The following MTA3 variants were observed in gnomAD, a reference collection of about 807,000 sequenced individuals.
The protein encoded by MTA3 is metastasis associated 1 family member 3, also known as metastasis-associated protein MTA3.
Under a neutral mutation model 83.5 loss-of-function variants are expected in MTA3, and 34 were observed. The ratio of observed to expected loss-of-function variants is 0.41; its 90% CI spans 0.31 to 0.54. The LOEUF is 0.54. Among genes scored for constraint, MTA3 ranks in the 20% least tolerant of loss-of-function variants. The pLI, the probability that MTA3 is intolerant of heterozygous loss-of-function variation, is 0.33. For synonymous variants in MTA3, 303 were observed against 252.7 expected, an observed-to-expected ratio of 1.20 and a Z score of -1.89; for missense variants, 761 against 726.4, an observed-to-expected ratio of 1.05 and a Z score of -0.55.
rs1202925575 is a variant in MTA3, at chr2:42,754,885, G to A, written c.*1486G>A. The A allele has an allele frequency of 5.1e-6, 5 of 985,454 alleles. No homozygotes were observed. The South Asian group carries it at 2.3e-4, about 46-fold the overall frequency. The allele number at this position is 985,454 out of a possible 1,614,324, so 61.0% of individuals were successfully genotyped here. On this transcript the variant is annotated 3_prime_UTR_variant, in exon 17 of 17. Coordinates refer to ENST00000405094, the MANE Select transcript of MTA3 (RefSeq NM_001330442.2). ...AGAGAGCGTGCTGTGTGAGGTGGAG[G>A]GCGGTTTTGCAGACATCTCAGCTTC...
intron 6 of MTA3, among the ~76,000 whole-genome samples, chr2:42,644,587 A>G (rs559798440): frequency 1.8e-4 from 28 of 152,236 alleles, no homozygotes. Context: ...CACTTCATAT[A>G]TATCTAGTTT....
intron 4 of MTA3, among the ~76,000 whole-genome samples, chr2:42,630,160 A>G (rs1435963096): frequency 1.3e-5 from 2 of 152,214 alleles, no homozygotes; most frequent in East Asian, 1.9e-4. Flanking sequence ...GGCTCCCCAT[A>G]CACTTGATCT....
intron 2 of MTA3, among the ~76,000 whole-genome samples, chr2:42,510,912 A>G (rs1490131907): frequency 6.6e-6 from 1 of 152,222 alleles, no homozygotes; most frequent in Non-Finnish European, 1.5e-5. Flanking sequence ...ACTGAATGGA[A>G]GTTCCCCACT....
chr2:42,654,915 C>G (rs2104355411), intron 6 of MTA3, among the ~76,000 whole-genome samples: 1 of 152,302 alleles, frequency 6.6e-6, no homozygotes, highest in East Asian at 1.9e-4. Context: ...CACACCCAGC[C>G]TCCTTCTTTC....
chr2:42,720,355 G>C (rs1414509669), intron 15 of MTA3, among the ~76,000 whole-genome samples: 1 of 151,942 alleles, frequency 6.6e-6, no homozygotes, highest in Non-Finnish European at 1.5e-5. Flanking sequence ...GCTAATTTTT[G>C]TATTTTTAGT....
intron 2 of MTA3, among the ~76,000 whole-genome samples, chr2:42,556,735 T>C (rs1442742113): frequency 6.6e-6 from 1 of 152,106 alleles, no homozygotes; most frequent in Non-Finnish European, 1.5e-5. Context: ...AGCCCAGATC[T>C]GAGGGGCCTT....
At position 42,644,118 on chromosome 2, in the gene MTA3, A is replaced by G; in HGVS notation, c.382-9A>G. 1 of 1,550,128 alleles carries G rather than the reference A, an allele frequency of 6.5e-7. No homozygotes were observed. The highest frequency in any genetic ancestry group is 8.8e-7 in the Non-Finnish European group (1 of 1,134,796). Reference sequence around the variant, plus strand: ...TAAGTATACCTATGTATTTTGTCATATTTTTCAGGATACCTTCTTCTACTC... The same window carrying G: ...TAAGTATACCTATGTATTTTGTCATGTTTTTCAGGATACCTTCTTCTACTC... On this transcript the variant is annotated splice_polypyrimidine_tract_variant and intron_variant, in intron 5 of 16. Transcript: ENST00000405094.
chr2:42,704,653 C>G (rs1048461853), intron 12 of MTA3, among the ~76,000 whole-genome samples: 1 of 152,138 alleles, frequency 6.6e-6, no homozygotes, highest in Non-Finnish European at 1.5e-5. Context: ...ACCAAATTCC[C>G]CTTTGGAGTT....
At chr2:42,592,374 A>C (rs1024330527) in intron 3 of MTA3, among the ~76,000 whole-genome samples, 22 of 152,204 alleles carry the variant, frequency 1.4e-4, no homozygotes, top group African/African-American at 5.3e-4. Context: ...ACTTGAGCTC[A>C]GGAGTTTAAG....
chr2:42,583,434 A>G (rs1332495111), intron 3 of MTA3, among the ~76,000 whole-genome samples: 3 of 152,202 alleles, frequency 2.0e-5, no homozygotes, highest in Admixed American at 6.6e-5. Context: ...TAATGGAGAA[A>G]GTGTTATTAG....
chr2:42,661,221 G>C (rs933664110), intron 8 of MTA3, among the ~76,000 whole-genome samples: 2 of 152,152 alleles, frequency 1.3e-5, no homozygotes, highest in Non-Finnish European at 2.9e-5. Context: ...CAGATGTCAT[G>C]TTTGCAAGAA....
Position 42,640,216 on chromosome 2 carries a change from T to C in MTA3, c.361T>C (p.Leu121=). ...CCTTCTGAATGAGACAGAATCAGTA[T>C]TGTCATATCTTGATAAGGAGGTAAT... ...VALLNETESV[L]SYLDKEDTFF... is the part of the protein sequence containing the mutation. The change falls in exon 5 of 17, where the codon TTG becomes CTG. Residue 121 remains leucine, a synonymous_variant. Coordinates refer to ENST00000405094, the MANE Select transcript of MTA3 (RefSeq NM_001330442.2). 1.2e-6 allele frequency: 2 copies of C among 1,607,510 alleles called. No homozygotes were observed. Among genetic ancestry groups the C allele is most frequent in the Non-Finnish European group, 1.7e-6 (2 of 1,177,598 alleles).
chr2:42,748,594 G>A (rs1020121013), intron 16 of MTA3, among the ~76,000 whole-genome samples: 1 of 152,022 alleles, frequency 6.6e-6, no homozygotes, highest in Non-Finnish European at 1.5e-5. Flanking sequence ...CATTATATTC[G>A]TCTTTTTCTA....
intron 10 of MTA3, among the ~76,000 whole-genome samples, chr2:42,696,950 A>G (rs1693438784): frequency 1.3e-5 from 2 of 152,220 alleles, no homozygotes; most frequent in African/African-American, 2.4e-5. Flanking sequence ...GATGGAGATG[A>G]TGGTATCAAG....
intron 2 of MTA3, among the ~76,000 whole-genome samples, chr2:42,574,038 G>C (rs368827576): frequency 6.6e-6 from 1 of 150,486 alleles, no homozygotes. Flanking sequence ...GGGTTTCACC[G>C]TGTTAGCCAG....
chr2:42,720,730 A>G (rs1573752668), intron 15 of MTA3, among the ~76,000 whole-genome samples: 1 of 151,942 alleles, frequency 6.6e-6, no homozygotes. Flanking sequence ...AGGCAGGCGG[A>G]TTGCTTGAGT....
At chr2:42,498,499 C>A (rs1452109245) in intron 2 of MTA3, among the ~76,000 whole-genome samples, 1 of 152,204 alleles carries the variant, frequency 6.6e-6, no homozygotes, top group Non-Finnish European at 1.5e-5. Flanking sequence ...GGGCCTGTAT[C>A]ATACATAGTC....
At chr2:42,579,057 T>C in intron 2 of MTA3, 50 bp from the exon 3 acceptor site, 1 of 1,274,530 alleles carries the variant, frequency 7.8e-7, no homozygotes, top group South Asian at 1.4e-5. Flanking sequence ...GTATAAATTA[T>C]TTGACTCTAA....
At chr2:42,748,241 G>GTGTGT (rs1669596704) in intron 16 of MTA3, among the ~76,000 whole-genome samples, 1 of 149,532 alleles carries the variant, frequency 6.7e-6, no homozygotes, top group Non-Finnish European at 1.5e-5. Flanking sequence ...GTGTGTGTGT[G>GTGTGT]TTTTAGTAGA....
Sources: gnomAD v4.1 joint callset for allele counts (sites outside exome capture counted in the v4.1 genomes callset) on GRCh38, gnomAD v4.1.1 for gene constraint, MANE v1.5 for transcripts, NCBI Gene and HGNC (gene_info 2026-07-23, HGNC 2026-07-21) for gene names.